The following TRDN variants were observed in gnomAD, a reference collection of about 807,000 sequenced individuals.
TRDN encodes triadin, also known as triadin in skeletal muscle.
In TRDN, 161 loss-of-function variants were observed where a neutral mutation model predicts 149.7. That is an observed-to-expected ratio of 1.08 (90% CI 0.95 to 1.23). TRDN has a LOEUF of 1.23. Ranked by LOEUF, TRDN falls within the 50% of genes most tolerant of loss-of-function variation. TRDN has a pLI of 0.00. For missense variants in TRDN, 896 were observed against 823.5 expected (o/e 1.09, Z -1.08); for synonymous variants, 294 against 250.5 (o/e 1.17, Z -1.64).
chr6:123,318,690 G>A (rs1779129101), intron 23 of TRDN, among the ~76,000 whole-genome samples: 2 of 152,002 alleles, frequency 1.3e-5, no homozygotes, highest in Admixed American at 6.6e-5. Flanking sequence ...TTCCCACTCT[G>A]CACACGGCTT....
chr6:123,294,723 A>G (rs531278831), intron 24 of TRDN, among the ~76,000 whole-genome samples: 25 of 152,240 alleles, frequency 1.6e-4, no homozygotes, highest in African/African-American at 6.0e-4. Context: ...GACTAATAAC[A>G]GTCAATGGCC....
At chr6:123,253,829 A>G (rs1489643728) in intron 37 of TRDN, among the ~76,000 whole-genome samples, 3 of 152,116 alleles carry the variant, frequency 2.0e-5, no homozygotes, top group Non-Finnish European at 2.9e-5. Flanking sequence ...TCTCTAGTAG[A>G]TCACTCCCTT....
intron 24 of TRDN, among the ~76,000 whole-genome samples, chr6:123,284,100 G>T (rs1777716575): frequency 8.0e-6 from 1 of 125,702 alleles, no homozygotes; most frequent in African/African-American, 3.2e-5. Flanking sequence ...CCCAAAAATT[G>T]GTACCAATTC....
intron 1 of TRDN, among the ~76,000 whole-genome samples, chr6:123,587,260 AC>A (rs1783543272): frequency 6.6e-6 from 1 of 152,142 alleles, no homozygotes; most frequent in African/African-American, 2.4e-5. Context: ...ATGATTAAAC[AC>A]CAAGGGAAGG....
At chr6:123,258,663 G>A (rs1027235875) in intron 35 of TRDN, among the ~76,000 whole-genome samples, 6 of 152,122 alleles carry the variant, frequency 3.9e-5, no homozygotes, top group Admixed American at 3.9e-4. Context: ...AATGAGTTAG[G>A]GAGGATTCCC....
chr6:123,252,278 A>C, intron 38 of TRDN, 134 bp downstream of exon 38: 1 of 438,220 alleles, frequency 2.3e-6, no homozygotes, highest in South Asian at 6.6e-5. Context: ...AAAAGCTAAT[A>C]AATTCCTGTC....
intron 20 of TRDN, among the ~76,000 whole-genome samples, chr6:123,364,580 G>T (rs544886526): frequency 1.3e-5 from 2 of 152,226 alleles, no homozygotes; most frequent in South Asian, 4.1e-4. Context: ...CCTGGGAGGC[G>T]GAGGTTGCAG....
intron 10 of TRDN, among the ~76,000 whole-genome samples, chr6:123,459,199 C>T (rs1776308069): frequency 6.6e-6 from 1 of 152,202 alleles, no homozygotes; most frequent in Non-Finnish European, 1.5e-5. Context: ...TCCTGCCTGA[C>T]ATGTGGTCTC....
At chr6:123,263,255 C>T (rs545703287) in intron 33 of TRDN, among the ~76,000 whole-genome samples, 26 of 152,194 alleles carry the variant, frequency 1.7e-4, no homozygotes, top group South Asian at 4.1e-4. Context: ...GCAGCTACAA[C>T]GTTCCCTAAG....
chr6:123,623,463 T>C (rs1169594617), intron 1 of TRDN, among the ~76,000 whole-genome samples: 1 of 152,012 alleles, frequency 6.6e-6, no homozygotes, highest in Non-Finnish European at 1.5e-5. Flanking sequence ...GTTTATGGAG[T>C]CAAAATTATG....
At chr6:123,590,069 T>C (rs1783704558) in intron 1 of TRDN, among the ~76,000 whole-genome samples, 1 of 152,188 alleles carries the variant, frequency 6.6e-6, no homozygotes, top group Admixed American at 6.5e-5. Context: ...TGTATGTGTA[T>C]ATGACTAGAG....
At chr6:123,320,311 A>G (rs550464985) in intron 23 of TRDN, among the ~76,000 whole-genome samples, 54 of 151,858 alleles carry the variant, frequency 3.6e-4, no homozygotes, top group African/African-American at 1.3e-3. Context: ...TATTGATATA[A>G]TATTAAATAT....
intron 1 of TRDN, among the ~76,000 whole-genome samples, chr6:123,617,517 A>G (rs1263877408): frequency 2.0e-5 from 3 of 152,116 alleles, no homozygotes. Context: ...TTTGCTGATT[A>G]TTAGCTGGAA....
intron 38 of TRDN, among the ~76,000 whole-genome samples, chr6:123,237,289 G>A (rs760622596): frequency 9.9e-5 from 15 of 151,532 alleles, no homozygotes; most frequent in Non-Finnish European, 1.9e-4. Context: ...TCGCTCTGTC[G>A]CCCAGGCTGG....
Position 123,547,340 on chromosome 6 carries a change from CT to C in TRDN, c.423del (p.Glu142LysfsTer33), listed in dbSNP as rs757805966. ...GEIDEPPLRKKEIHKDKTEKQ... is the reference protein window; with the variant it reads ...GEIDEPPLRKXEIHKDKTEKQ... ...ATTATCAAAGGTGAAAACAACTAACCTTTTTTTCTCAAGGGAGGCTCATCTA... is the reference window on the plus strand; with the variant it reads ...ATTATCAAAGGTGAAAACAACTAACCTTTTTTCTCAAGGGAGGCTCATCTA... On this transcript the variant is annotated frameshift_variant and splice_region_variant, in exon 4 of 41. Transcript: ENST00000334268. LOFTEE classifies it high-confidence loss of function. The C allele has an allele frequency of 1.4e-5, 20 of 1,454,194 alleles. No homozygotes were observed. Among genetic ancestry groups the C allele is most frequent in the Admixed American group, 8.0e-5 (3 of 37,638 alleles). The allele number at this position is 1,454,194 out of a possible 1,614,324, so 90.1% of individuals were successfully genotyped here. A position where few individuals can be genotyped will look rare whatever the true frequency, so the allele number is the denominator to read the frequency against.
intron 12 of TRDN, among the ~76,000 whole-genome samples, chr6:123,400,135 G>A (rs1772896184): frequency 7.8e-6 from 1 of 128,636 alleles, no homozygotes; most frequent in Admixed American, 8.8e-5. Flanking sequence ...TAGAAAATAA[G>A]CCATTTTATT....
At chr6:123,226,979 C>T (rs554400341) in intron 38 of TRDN, among the ~76,000 whole-genome samples, 2 of 151,894 alleles carry the variant, frequency 1.3e-5, no homozygotes, top group South Asian at 4.1e-4. Flanking sequence ...TGAAAAAAGG[C>T]TAGAGACAGC....
At chr6:123,274,727 A>C in intron 26 of TRDN, 57 bp from the exon 27 acceptor site, 1 of 1,458,708 alleles carries the variant, frequency 6.9e-7, no homozygotes, top group Non-Finnish European at 9.4e-7. Flanking sequence ...TAGAATGAAA[A>C]TTAATTTTTA....
At chr6:123,438,172 A>T in intron 11 of TRDN, 50 bp from the exon 12 acceptor site, 2 of 1,383,462 alleles carry the variant, frequency 1.4e-6, no homozygotes, top group Non-Finnish European at 9.9e-7. Flanking sequence ...TAACTTGCAA[A>T]TATTTCAGGG....
Sources: allele counts gnomAD v4.1 joint callset (sites outside exome capture counted in the v4.1 genomes callset), GRCh38; gene constraint gnomAD v4.1.1; transcripts MANE v1.5; gene names NCBI Gene and HGNC (gene_info 2026-07-23, HGNC 2026-07-21).